Variants in ZMYM5 observed in about 807,000 individuals in gnomAD.
ZMYM5 encodes the protein zinc finger MYM-type protein 5.
A neutral mutation model predicts 61.8 loss-of-function variants in ZMYM5; 41 were observed. The observed-to-expected ratio is 0.66, with a 90% CI of 0.52 to 0.86. The LOEUF (loss-of-function observed/expected upper bound fraction) is 0.86. Among genes scored for constraint, ZMYM5 ranks in the 40% least tolerant of loss-of-function variants. The pLI, the probability that ZMYM5 is intolerant of heterozygous loss-of-function variation, is 0.00. For synonymous variants in ZMYM5, 257 were observed against 276.4 expected (o/e 0.93, Z 0.70); for missense variants, 706 against 786.7 (o/e 0.90, Z 1.23).
chr13:19,852,245 TTAC>T, intron 2 of ZMYM5, 55 bp from the exon 3 acceptor site: 13 of 1,454,776 alleles, frequency 8.9e-6, no homozygotes, highest in Admixed American at 2.6e-5. Context: ...TTTTTGCATT[TTAC>T]TACAATAAAA....
chr13:19,825,795 C>T (rs1003448513), intron 7 of ZMYM5, among the ~76,000 whole-genome samples: 1 of 151,986 alleles, frequency 6.6e-6, no homozygotes, highest in Non-Finnish European at 1.5e-5. Context: ...AATCCCAGCA[C>T]TTTGGGAGGC....
At chr13:19,835,012 G>T in intron 7 of ZMYM5, among the ~76,000 whole-genome samples, 1 of 144,188 alleles carries the variant, frequency 6.9e-6, no homozygotes. Context: ...TTTTTTTTGA[G>T]ACAGGCTTTC....
chr13:19,835,572 A>C lies in ZMYM5; in HGVS notation c.1156T>G (p.Tyr386Asp). ...IMNCCEHCGE[Y>D]MPSKSTGNNI... The stretch of plus-strand genomic sequence containing the variant: ...TTTCCAGTACTCTTACTAGGCATGT[A>C]CTCTCCACAGTGTTCACAGCAGTTC... The change falls in exon 7 of 8, where the codon TAC becomes GAC. Residue 386 changes from tyrosine (Y) to aspartate (D), a missense_variant. Around this residue, in one of 2 missense-constraint regions of ZMYM5, gnomAD observed 480 missense variants for 461.7 expected, o/e 1.04. Transcript: ENST00000337963. 7.3e-7 allele frequency: 1 copy of C among 1,367,566 alleles called. No individual in the cohort carries two copies. Among genetic ancestry groups the C allele is most frequent in the Non-Finnish European group, 9.8e-7 (1 of 1,021,832 alleles). 84.7% of individuals were successfully genotyped at this position (1,367,566 alleles called of 1,614,324 possible).
At position 19,852,102 on chromosome 13, in the gene ZMYM5, T is replaced by C; in HGVS notation, c.79A>G (p.Ser27Gly). 1.9e-6 allele frequency: 3 copies of C among 1,613,774 alleles called. No individual in the cohort carries two copies. The highest frequency in any genetic ancestry group is 2.2e-5 in the South Asian group (2 of 91,080). Residue 27 changes from serine to glycine, a missense_variant, in exon 3 of 8, where the codon AGT becomes GGT. Ser to Gly is a moderately conservative substitution (Grantham distance 56). This residue lies in a region of ZMYM5 where 480 missense variants were observed against 461.7 expected (regional missense o/e 1.04). Coordinates refer to ENST00000337963, the MANE Select transcript of ZMYM5 (RefSeq NM_001142684.2). Reference protein sequence around the residue: ...ALLGNMAMATSLMDIGDSFGH... With the variant: ...ALLGNMAMATGLMDIGDSFGH... ...AATGAATCCCCTATGTCCATGAGAC[T>C]AGTTGCCATGGCCATATTCCCTAAT...
chr13:19,851,065 C>T (rs1176890749), intron 4 of ZMYM5, among the ~76,000 whole-genome samples: 2 of 151,854 alleles, frequency 1.3e-5, no homozygotes, highest in Admixed American at 6.6e-5. Context: ...AAAAACTAGC[C>T]GAGTGTGGTG....
chr13:19,833,323 T>C (rs1255952603), intron 7 of ZMYM5, among the ~76,000 whole-genome samples: 1 of 152,166 alleles, frequency 6.6e-6, no homozygotes, highest in African/African-American at 2.4e-5. Flanking sequence ...GTGTATGCAA[T>C]GAAAAGGGGT....
At chr13:19,840,807 A>G (rs1308028096) in intron 4 of ZMYM5, among the ~76,000 whole-genome samples, 1 of 151,982 alleles carries the variant, frequency 6.6e-6, no homozygotes, top group Non-Finnish European at 1.5e-5. Context: ...CCTCCTGAGT[A>G]GCTGGGACTA....
At chr13:19,837,024 G>GT (rs11449895) in intron 6 of ZMYM5, among the ~76,000 whole-genome samples, 16,487 of 143,700 alleles carry the variant, frequency 0.11, 1,005 homozygotes, top group Admixed American at 0.13. Flanking sequence ...GTTGTTTTTT[G>GT]TTTTTTTTTT....
chr13:19,860,347 C>T (rs1332983008), intron 2 of ZMYM5, among the ~76,000 whole-genome samples: 1 of 148,806 alleles, frequency 6.7e-6, no homozygotes, highest in Non-Finnish European at 1.5e-5. Context: ...GACTGGAGTG[C>T]AATGGCACAA....
chr13:19,839,789 G>A (rs1382789931), intron 4 of ZMYM5, among the ~76,000 whole-genome samples: 1 of 152,148 alleles, frequency 6.6e-6, no homozygotes, highest in African/African-American at 2.4e-5. Flanking sequence ...TTTAGACGCA[G>A]TAGTTTAATA....
rs565207286 is a variant in ZMYM5 at position 19,825,633 on chromosome 13, T to A, written c.1252-398A>T. On this transcript the variant is annotated intron_variant, in intron 7 of 7. Coordinates refer to ENST00000337963, the MANE Select transcript of ZMYM5 (RefSeq NM_001142684.2). ...CTGCACTCCAGTCTGGGCGAAAGAG[T>A]GAGACCCTGTCCCAAAAGAAGAAGA... is the stretch of plus-strand genomic sequence containing the variant. 2.2e-5 allele frequency among the ~76,000 whole-genome samples: 3 copies of A among 133,514 alleles called. No homozygotes were observed. In the South Asian group the frequency reaches 6.9e-4, roughly 31 times the overall value. 87.6% of individuals were successfully genotyped at this position (133,514 alleles called of 152,430 possible).
intron 6 of ZMYM5, 33 bp downstream of exon 6, chr13:19,837,623 C>T (rs1464254267): frequency 1.2e-6 from 2 of 1,602,774 alleles, no homozygotes; most frequent in African/African-American, 1.3e-5. Context: ...TCACTGTTAG[C>T]CTAAACAACA....
intron 7 of ZMYM5, among the ~76,000 whole-genome samples, chr13:19,830,046 C>G (rs1891124814): frequency 6.6e-6 from 1 of 152,118 alleles, no homozygotes; most frequent in South Asian, 2.1e-4. Flanking sequence ...TGGACTCTAT[C>G]CACTAGAGTC....
intron 2 of ZMYM5, among the ~76,000 whole-genome samples, chr13:19,857,843 C>A (rs1593921143): frequency 6.6e-6 from 1 of 150,652 alleles, no homozygotes; most frequent in Non-Finnish European, 1.5e-5. Context: ...TGCAGAGAGA[C>A]CCCTCTCTAC....
rs1343013283 is a variant in ZMYM5 at position 19,851,391 on chromosome 13, A to G, written c.550T>C (p.Phe184Leu). The G allele has an allele frequency of 3.7e-6, 6 of 1,614,164 alleles. No homozygotes were observed. The highest frequency in any genetic ancestry group is 1.7e-5 in the Admixed American group (1 of 60,010). The change falls in exon 4 of 8, where the codon TTT becomes CTT. Residue 184 changes from phenylalanine to leucine, a missense_variant. Phe to Leu is a conservative substitution (Grantham distance 22). This residue lies in a region of ZMYM5 where 480 missense variants were observed against 461.7 expected (regional missense o/e 1.04). Coordinates refer to ENST00000337963, the MANE Select transcript of ZMYM5 (RefSeq NM_001142684.2). ...TGAGTTGCAAATTCTCCATTCTGAA[A>G]TAAGTCTCCTGCCACATTCATTCTA... Reference protein sequence around the residue: ...PGRMNVAGDLFQNGEFATHHS... With the variant: ...PGRMNVAGDLLQNGEFATHHS...
At chr13:19,841,325 T>C (rs550930154) in intron 4 of ZMYM5, among the ~76,000 whole-genome samples, 1 of 152,278 alleles carries the variant, frequency 6.6e-6, no homozygotes, top group Non-Finnish European at 1.5e-5. Context: ...TTTTAATCCA[T>C]AGGTTGGAAG....
intron 2 of ZMYM5, among the ~76,000 whole-genome samples, chr13:19,852,728 T>C (rs977868514): frequency 6.6e-6 from 1 of 152,220 alleles, no homozygotes; most frequent in African/African-American, 2.4e-5. Context: ...GAAAATAAAA[T>C]TATCAAAACT....
chr13:19,862,648 G>A (rs778589771), intron 1 of ZMYM5, among the ~76,000 whole-genome samples, 182 bp from the exon 2 acceptor site: 9 of 152,114 alleles, frequency 5.9e-5, no homozygotes, highest in Non-Finnish European at 1.2e-4. Flanking sequence ...GCAACGACGA[G>A]ACAAAGCTAA....
chr13:19,859,234 G>A (rs1249301659), intron 2 of ZMYM5, among the ~76,000 whole-genome samples: 1 of 152,110 alleles, frequency 6.6e-6, no homozygotes, highest in African/African-American at 2.4e-5. Flanking sequence ...TTCTTTCTGA[G>A]CAAGACTCTT....
Sources: allele counts gnomAD v4.1 joint callset (sites outside exome capture counted in the v4.1 genomes callset), GRCh38; gene constraint gnomAD v4.1.1; regional missense constraint gnomAD v4.1.1; transcripts MANE v1.5; gene names NCBI Gene and HGNC (gene_info 2026-07-23, HGNC 2026-07-21).